The following IPO13 variants were observed in gnomAD, a reference collection of about 807,000 sequenced individuals.
IPO13 encodes importin-13.
In IPO13, 28 loss-of-function variants were observed where a neutral mutation model predicts 115.5. That is an observed-to-expected ratio of 0.24 (90% CI 0.18 to 0.33). The LOEUF (loss-of-function observed/expected upper bound fraction) is 0.33. Ranked by LOEUF, IPO13 falls within the 10% of genes least tolerant of loss-of-function variation. The pLI is 1.00. For missense variants in IPO13, 785 were observed against 1,204.6 expected, an observed-to-expected ratio of 0.65 and a Z score of 5.16; for synonymous variants, 414 against 478.9, an observed-to-expected ratio of 0.86 and a Z score of 1.77.
At chr1:43,962,124 C>G (rs1401624866) in intron 14 of IPO13, among the ~76,000 whole-genome samples, 1 of 152,146 alleles carries the variant, frequency 6.6e-6, no homozygotes, top group Non-Finnish European at 1.5e-5. Flanking sequence ...AGTGCCTGGT[C>G]TCATGATCCT....
In IPO13 at chr1:43,949,781, T is replaced by C. The variant is rs1195615348; in HGVS notation, c.449T>C (p.Phe150Ser). The change falls in exon 2 of 20, where the codon TTC (phenylalanine) becomes TCC (serine). Residue 150 changes from phenylalanine to serine, a missense_variant. Physicochemically the swap from Phe to Ser is radical, Grantham distance 155. Transcript: ENST00000372343. ...PCAVADMVRL[F>S]QAEDSPVDGQ... ...GCTGTGGCAGATATGGTACGACTCT[T>C]CCAGGCTGAGGACTCACCAGTGGAT... is the stretch of plus-strand genomic sequence containing the variant. 1 of 1,614,174 alleles carries C rather than the reference T, an allele frequency of 6.2e-7. No individual in the cohort carries two copies. The highest frequency in any genetic ancestry group is 1.1e-5 in the South Asian group (1 of 91,078).
intron 11 of IPO13, 123 bp downstream of exon 11, chr1:43,959,012 G>T: frequency 1.1e-6 from 1 of 951,258 alleles, no homozygotes; most frequent in Non-Finnish European, 1.6e-6. Flanking sequence ...TCCCTGCCCC[G>T]TGGGCGTGAT....
Position 43,949,537 on chromosome 1 carries a change from G to A in IPO13, c.205G>A (p.Asp69Asn), listed in dbSNP as rs775594295. The change falls in exon 2 of 20, where the codon GAC becomes AAC. Residue 69 changes from aspartate to asparagine, a missense_variant. Coordinates refer to ENST00000372343, the MANE Select transcript of IPO13 (RefSeq NM_014652.4). ...WHFSWQLLQP[D>N]KVPEIQYFGA... ...CTTCAGCTGGCAGCTACTGCAGCCC[G>A]ACAAGGTACCAGAGATCCAGTACTT... 4.3e-6 allele frequency: 7 copies of A among 1,614,202 alleles called. No individual in the cohort carries two copies. The highest frequency in any genetic ancestry group is 2.2e-5 in the South Asian group (2 of 91,086).
chr1:43,966,958 T>C lies in IPO13; in HGVS notation c.2552T>C (p.Val851Ala), dbSNP rs1328653261. The change falls in exon 18 of 20, where the codon GTA becomes GCA. Residue 851 changes from valine (V) to alanine (A), a missense_variant. Physicochemically the swap from Val to Ala is moderately conservative, Grantham distance 64. This residue lies in a region of IPO13 where 285 missense variants were observed against 394.8 expected (regional missense o/e 0.72). Coordinates refer to ENST00000372343, the MANE Select transcript of IPO13 (RefSeq NM_014652.4). This position sits in a 1 kb window ranked among gnomAD's most constrained non-coding sequence, Gnocchi z 4.1. ...GAGCTGCTGCCTCGGTGTGGGGAAG[T>C]AGAGTCTGTGGGAAAGGTGGTACAG... ...FTELLPRCGE[V>A]ESVGKVVQED... is the part of the protein sequence containing the mutation. 2 of 1,613,114 alleles carry C rather than the reference T, an allele frequency of 1.2e-6. No homozygotes were observed. The highest frequency in any genetic ancestry group is 1.7e-6 in the Non-Finnish European group (2 of 1,179,848).
Position 43,958,846 on chromosome 1 carries a change from G to T in IPO13, c.1985G>T (p.Gly662Val). The change falls in exon 11 of 20, where the codon GGC becomes GTC. Residue 662 changes from glycine (G) to valine (V), a missense_variant. By Grantham distance (109) the Gly-to-Val change is moderately radical. Transcript: ENST00000372343. This position sits in a 1 kb window ranked among gnomAD's most constrained non-coding sequence, Gnocchi z 6.3. ...AGTCATCATGAGGATGATCATGAAG[G>T]CCCTGAGCTTCGGAAGCTGCCAGTG... ...DISHHEDDHE[G>V]PELRKLPVPQ... 1 of 1,614,058 alleles carries T rather than the reference G, an allele frequency of 6.2e-7. No individual in the cohort carries two copies.
chr1:43,959,461 C>A (rs1488853117), intron 11 of IPO13, among the ~76,000 whole-genome samples: 1 of 152,134 alleles, frequency 6.6e-6, no homozygotes, highest in African/African-American at 2.4e-5. Context: ...CCTCAGCTTC[C>A]CATTAAAAAC....
Position 43,966,786 on chromosome 1 carries a change from A to T in IPO13, c.2523+4A>T. The T allele has an allele frequency of 6.2e-7, 1 of 1,613,828 alleles. No individual in the cohort carries two copies. Among genetic ancestry groups the T allele is most frequent in the Non-Finnish European group, 8.5e-7 (1 of 1,179,936 alleles). ...CAAGGCCTCCTGTGGCTTCTTTGTG[A>T]GTCCCATGCTGAACCCTGACCCACT... On this transcript the variant is annotated splice_donor_region_variant and intron_variant, in intron 17 of 19. Transcript: ENST00000372343. This position sits in a 1 kb window ranked among gnomAD's most constrained non-coding sequence, Gnocchi z 4.1.
Position 43,956,716 on chromosome 1 carries a change from C to A in IPO13, c.1104+15C>A. 5 of 1,614,202 alleles carry A rather than the reference C, an allele frequency of 3.1e-6. No homozygotes were observed. Among genetic ancestry groups the A allele is most frequent in the Non-Finnish European group, 3.4e-6 (4 of 1,180,016 alleles). On this transcript the variant is annotated intron_variant, in intron 4 of 19. Transcript: ENST00000372343. This position sits in a 1 kb window ranked among gnomAD's most constrained non-coding sequence, Gnocchi z 4.7. ...ACACACTGCAGGTGTGTCTGTGTGACCTCCAGTAGGACTGGGCTGTGGTGG... is the reference window on the plus strand; with the variant it reads ...ACACACTGCAGGTGTGTCTGTGTGAACTCCAGTAGGACTGGGCTGTGGTGG...
chr1:43,960,476 G>GAAGAC (rs2085282068), intron 12 of IPO13, 147 bp downstream of exon 12: 1 of 751,376 alleles, frequency 1.3e-6, no homozygotes. Flanking sequence ...AATCTTTTGG[G>GAAGAC]AAGACATTTA....
At position 43,957,473 on chromosome 1, in the gene IPO13, G is replaced by A; in HGVS notation, c.1464G>A (p.Val488=). Residue 488 remains valine, a synonymous_variant, in exon 7 of 20, where the codon GTG becomes GTA. Coordinates refer to ENST00000372343, the MANE Select transcript of IPO13 (RefSeq NM_014652.4). ...TTGACGTCAACTATTCTGATGTGGT[G>A]CCTGGGCTCATTGGCCTCATCCCAC... ...ETIDVNYSDV[V]PGLIGLIPRI... is the part of the protein sequence containing the mutation. The A allele has an allele frequency of 6.2e-7, 1 of 1,614,172 alleles. No homozygotes were observed. Among genetic ancestry groups the A allele is most frequent in the Non-Finnish European group, 8.5e-7 (1 of 1,180,028 alleles).
chr1:43,965,979 C>T lies in IPO13; in HGVS notation c.2398-596C>T, dbSNP rs571602807. The T allele has an allele frequency of 1.7e-3, 292 of 168,612 alleles. 1 individual carries two copies. The highest frequency in any genetic ancestry group is 6.7e-3 in the African/African-American group (281 of 41,756). The allele number at this position is 168,612 out of a possible 1,614,324, so 10.4% of individuals were successfully genotyped here. ...TCCCCCTCACCCACAGCAGCACTGG[C>T]TCCTTGGTGTGTGTATGGCCGAAGA... On this transcript the variant is annotated intron_variant, in intron 15 of 19. Coordinates refer to ENST00000372343, the MANE Select transcript of IPO13 (RefSeq NM_014652.4).
At chr1:43,948,189 G>A (rs1309629870) in intron 1 of IPO13, among the ~76,000 whole-genome samples, 1 of 152,228 alleles carries the variant, frequency 6.6e-6, no homozygotes, top group Non-Finnish European at 1.5e-5. Context: ...TGAGCAGGCA[G>A]GCCTGGGGCT....
In IPO13 at chr1:43,956,005, C is replaced by CAA. The variant is rs5773817; in HGVS notation, c.822-294_822-293dup. Among the ~76,000 whole-genome samples the CAA allele has an allele frequency of 9.4e-4, 107 of 113,858 alleles. No homozygotes were observed. The highest frequency in any genetic ancestry group is 1.7e-3 in the African/African-American group (46 of 27,442). The allele number at this position is 113,858 out of a possible 152,430, so 74.7% of individuals were successfully genotyped here. ...TGGGTAACACAGCAAAACCCCATCTCAAAAAAAAAAAAAAAAAAAAAATCT... is the reference window on the plus strand; with the variant it reads ...TGGGTAACACAGCAAAACCCCATCTCAAAAAAAAAAAAAAAAAAAAAAAATCT... On this transcript the variant is annotated intron_variant, in intron 2 of 19. Transcript: ENST00000372343. This position sits in a 1 kb window ranked among gnomAD's most constrained non-coding sequence, Gnocchi z 4.7.
At chr1:43,961,385 G>T (rs916542402) in intron 14 of IPO13, 123 bp downstream of exon 14, 4 of 801,160 alleles carry the variant, frequency 5.0e-6, no homozygotes, top group Non-Finnish European at 6.7e-6. Flanking sequence ...GGGACTTGAT[G>T]GGAAACCTGT....
rs772555608 is a variant in IPO13 at position 43,966,530 on chromosome 1, C to G, written c.2398-45C>G. The G allele has an allele frequency of 6.2e-7, 1 of 1,602,798 alleles. No individual in the cohort carries two copies. Among genetic ancestry groups the G allele is most frequent in the Non-Finnish European group, 8.5e-7 (1 of 1,170,184 alleles). ...TGGCAGGTGAGTGGGGGGGATGGTCCTTGGAGCTGGCTGGGGCTGGGCTTA... is the reference window on the plus strand; with the variant it reads ...TGGCAGGTGAGTGGGGGGGATGGTCGTTGGAGCTGGCTGGGGCTGGGCTTA... On this transcript the variant is annotated intron_variant, in intron 15 of 19. Coordinates refer to ENST00000372343, the MANE Select transcript of IPO13 (RefSeq NM_014652.4). The surrounding 1 kb of genome is among the most constrained non-coding windows in gnomAD (Gnocchi z 4.1).
rs1317193273 is a variant in IPO13 at position 43,957,850 on chromosome 1, G to C, written c.1541-127G>C. 19 of 891,574 alleles carry C rather than the reference G, an allele frequency of 2.1e-5. No homozygotes were observed. In the East Asian group the frequency reaches 4.6e-4, roughly 22 times the overall value. 55.2% of individuals were successfully genotyped at this position (891,574 alleles called of 1,614,324 possible). ...GAGCATGCACATGCATATGTCCTCT[G>C]AATGGGGCAGTACTCTGTGCTGGGG... is the stretch of plus-strand genomic sequence containing the variant. On this transcript the variant is annotated intron_variant, in intron 7 of 19. Transcript: ENST00000372343.
rs2085216779 is a variant in IPO13, at chr1:43,952,561, A to G, written c.821+2408A>G. On this transcript the variant is annotated intron_variant, in intron 2 of 19. Transcript: ENST00000372343. This position sits in a 1 kb window ranked among gnomAD's most constrained non-coding sequence, Gnocchi z 4.7. ...ACTGGTCATAAGAAGTAGAACTGGAATCATGCAATAGAAAGTGGGCCTAGT... is the reference window on the plus strand; with the variant it reads ...ACTGGTCATAAGAAGTAGAACTGGAGTCATGCAATAGAAAGTGGGCCTAGT... Among the ~76,000 whole-genome samples, 1 of 152,206 alleles carries G rather than the reference A, an allele frequency of 6.6e-6. No homozygotes were observed. Among genetic ancestry groups the G allele is most frequent in the Admixed American group, 6.5e-5 (1 of 15,274 alleles).
chr1:43,967,716 A>C lies in IPO13; in HGVS notation c.*34A>C, dbSNP rs749837091. On this transcript the variant is annotated 3_prime_UTR_variant, in exon 20 of 20. Coordinates refer to ENST00000372343, the MANE Select transcript of IPO13 (RefSeq NM_014652.4). This position sits in a 1 kb window ranked among gnomAD's most constrained non-coding sequence, Gnocchi z 6.1. ...CCCATCCCATCCACCCCTTCTCTTC[A>C]TCCTTCCCTATTCCCAAAGAGTAAA... The C allele has an allele frequency of 4.4e-6, 7 of 1,580,622 alleles. 1 individual carries two copies. In the South Asian group the frequency reaches 6.6e-5, roughly 15 times the overall value.
At chr1:43,964,167 C>T in intron 14 of IPO13, 102 bp from the exon 15 acceptor site, 1 of 757,078 alleles carries the variant, frequency 1.3e-6, no homozygotes, top group Non-Finnish European at 2.3e-6. Flanking sequence ...CTCATGTGCC[C>T]CCACGCTGTC....
Sources: allele counts gnomAD v4.1 joint callset (sites outside exome capture counted in the v4.1 genomes callset), GRCh38; gene constraint gnomAD v4.1.1; regional missense constraint gnomAD v4.1.1; non-coding constraint Gnocchi (gnomAD v3.1); transcripts MANE v1.5; gene names NCBI Gene and HGNC (gene_info 2026-07-23, HGNC 2026-07-21).